The following WDR41 variants were observed in gnomAD, a reference collection of about 807,000 sequenced individuals.
WDR41 encodes the protein WD repeat domain 41, also known as WD repeat-containing protein 41.
Under a neutral mutation model 69.3 loss-of-function variants are expected in WDR41, and 63 were observed. The observed-to-expected ratio is 0.91, with a 90% CI of 0.74 to 1.12. WDR41 has a LOEUF of 1.12. WDR41 is among the 50% of genes most tolerant of loss of function. The pLI, the probability that WDR41 is intolerant of heterozygous loss-of-function variation, is 0.00. For missense variants in WDR41, 543 were observed against 534.5 expected (o/e 1.02, Z -0.16); for synonymous variants, 185 against 192.1 (o/e 0.96, Z 0.31).
At chr5:77,458,103 G>A (rs540911431) in intron 5 of WDR41, among the ~76,000 whole-genome samples, 1 of 151,994 alleles carries the variant, frequency 6.6e-6, no homozygotes, top group Non-Finnish European at 1.5e-5. Context: ...GAATGTAAAA[G>A]GCACATCATT....
At chr5:77,534,988 T>C (rs1742942785) in intron 1 of WDR41, among the ~76,000 whole-genome samples, 1 of 152,222 alleles carries the variant, frequency 6.6e-6, no homozygotes, top group Non-Finnish European at 1.5e-5. Context: ...CCAATAGTTA[T>C]GTTTAAACAT....
In WDR41 at chr5:77,463,086, A is replaced by G; in HGVS notation, c.348+9T>C. 1 of 1,610,638 alleles carries G rather than the reference A, an allele frequency of 6.2e-7. No individual in the cohort carries two copies. Among genetic ancestry groups the G allele is most frequent in the Non-Finnish European group, 8.5e-7 (1 of 1,178,642 alleles). Reference sequence around the variant, plus strand: ...ACAGCTTGTTCATTTCTTCCAGATTAAAGGATACAATAACTGTTCTATCAG... The same window carrying G: ...ACAGCTTGTTCATTTCTTCCAGATTGAAGGATACAATAACTGTTCTATCAG... On this transcript the variant is annotated intron_variant, in intron 4 of 12. Transcript: ENST00000296679.
intron 8 of WDR41, 21 bp downstream of exon 8, chr5:77,449,739 A>C: frequency 6.6e-7 from 1 of 1,504,694 alleles, no homozygotes; most frequent in Non-Finnish European, 9.2e-7. Context: ...TGTACATAAT[A>C]AATGTACACA....
In WDR41 at chr5:77,591,838, A is replaced by G. The variant is rs188650926; in HGVS notation, c.42+28641T>C. ...TGATCAATTTTAGTAAATGTTCCATATGCACTTAAAAGAATGTACATTCTA... is the reference window on the plus strand; with the variant it reads ...TGATCAATTTTAGTAAATGTTCCATGTGCACTTAAAAGAATGTACATTCTA... On this transcript the variant is annotated intron_variant, in intron 1 of 5. Transcript: ENST00000509971. Among the ~76,000 whole-genome samples, 391 of 152,234 alleles carry G rather than the reference A, an allele frequency of 2.6e-3. 2 individuals are homozygous for G. The highest frequency in any genetic ancestry group is 9.1e-3 in the African/African-American group (379 of 41,574).
At chr5:77,529,799 G>A (rs1802500554) in intron 1 of WDR41, among the ~76,000 whole-genome samples, 1 of 151,448 alleles carries the variant, frequency 6.6e-6, no homozygotes, top group Non-Finnish European at 1.5e-5. Flanking sequence ...AAATGGTTCT[G>A]GAAAAATTGT....
chr5:77,455,987 C>A (rs7719099), intron 5 of WDR41, among the ~76,000 whole-genome samples: 17,073 of 59,088 alleles, frequency 0.29, 2,108 homozygotes, highest in African/African-American at 0.55. Context: ...AAAAAAAAAA[C>A]AACAAAAAAA....
At chr5:77,515,615 T>A (rs1157603720) in intron 1 of WDR41, among the ~76,000 whole-genome samples, 1 of 152,212 alleles carries the variant, frequency 6.6e-6, no homozygotes, top group East Asian at 1.9e-4. Flanking sequence ...ATGCTCTACT[T>A]TTATATGACT....
chr5:77,566,515 T>C (rs1392112825), intron 1 of WDR41, among the ~76,000 whole-genome samples: 3 of 152,162 alleles, frequency 2.0e-5, no homozygotes, highest in Non-Finnish European at 4.4e-5. Flanking sequence ...CTGAAGGCTA[T>C]TAAAGCAAGC....
At chr5:77,570,655 C>T (rs1357720509) in intron 1 of WDR41, among the ~76,000 whole-genome samples, 1 of 151,164 alleles carries the variant, frequency 6.6e-6, no homozygotes, top group African/African-American at 2.4e-5. Context: ...GTGCAAGTTC[C>T]AAATCAGAGA....
chr5:77,615,994 A>G (rs1744673911), intron 1 of WDR41, among the ~76,000 whole-genome samples: 1 of 137,338 alleles, frequency 7.3e-6, no homozygotes, highest in African/African-American at 2.5e-5. Flanking sequence ...CCCTGTCTCA[A>G]AGAAAAATAA....
At chr5:77,468,696 G>A (rs1800415320) in intron 2 of WDR41, among the ~76,000 whole-genome samples, 1 of 151,988 alleles carries the variant, frequency 6.6e-6, no homozygotes, top group African/African-American at 2.4e-5. Flanking sequence ...GTCTACATAA[G>A]GCACTGAAAA....
intron 1 of WDR41, among the ~76,000 whole-genome samples, chr5:77,514,835 G>T (rs1313670650): frequency 6.6e-6 from 1 of 152,152 alleles, no homozygotes; most frequent in Non-Finnish European, 1.5e-5. Flanking sequence ...GTAAGTATTT[G>T]TGTATCTAAA....
intron 12 of WDR41, 65 bp from the exon 13 acceptor site, chr5:77,433,352 T>G: frequency 4.1e-6 from 6 of 1,479,004 alleles, no homozygotes; most frequent in Non-Finnish European, 5.5e-6. Context: ...AATACCACAT[T>G]AACACATGTG....
At chr5:77,516,866 A>G (rs1455139478) in intron 1 of WDR41, among the ~76,000 whole-genome samples, 3 of 151,998 alleles carry the variant, frequency 2.0e-5, no homozygotes, top group Non-Finnish European at 4.4e-5. Context: ...AAAATACACA[A>G]ATTAGCCGGG....
chr5:77,518,639 A>G (rs1802327660), intron 1 of WDR41, among the ~76,000 whole-genome samples: 1 of 152,136 alleles, frequency 6.6e-6, no homozygotes, highest in African/African-American at 2.4e-5. Flanking sequence ...TATGAAAAAT[A>G]CTATTTTCTT....
chr5:77,456,959 C>T (rs1799858922), intron 5 of WDR41, among the ~76,000 whole-genome samples: 1 of 152,162 alleles, frequency 6.6e-6, no homozygotes, highest in Non-Finnish European at 1.5e-5. Context: ...CCACCTTGGT[C>T]TCCCAAAGCG....
chr5:77,598,253 A>G (rs1188619139), intron 1 of WDR41, among the ~76,000 whole-genome samples: 1 of 152,212 alleles, frequency 6.6e-6, no homozygotes, highest in East Asian at 1.9e-4. Flanking sequence ...TTATCAGTCC[A>G]TATGCTTTGG....
chr5:77,439,120 C>T lies in WDR41; in HGVS notation c.883-759G>A, dbSNP rs1799058338. ...TGTTACTCCAGTCCCTTGCTCATTC[C>T]TCACGTGACTCACATGCAGTAGTAG... On this transcript the variant is annotated intron_variant, in intron 9 of 12. Transcript: ENST00000296679. 2.6e-5 allele frequency among the ~76,000 whole-genome samples: 4 copies of T among 152,142 alleles called. No homozygotes were observed. In the South Asian group the frequency reaches 8.3e-4, roughly 32 times the overall value.
chr5:77,479,500 G>A (rs1801124406), intron 2 of WDR41, among the ~76,000 whole-genome samples: 1 of 152,010 alleles, frequency 6.6e-6, no homozygotes, highest in Admixed American at 6.6e-5. Flanking sequence ...AAAGAACAGA[G>A]CCCTCAGAAA....
Sources: gnomAD v4.1 joint callset for allele counts (sites outside exome capture counted in the v4.1 genomes callset) on GRCh38, gnomAD v4.1.1 for gene constraint, MANE v1.5 for transcripts, NCBI Gene and HGNC (gene_info 2026-07-23, HGNC 2026-07-21) for gene names.